The following PCDHGA1 variants were observed in gnomAD, a reference collection of about 807,000 sequenced individuals.
PCDHGA1 encodes protocadherin gamma-A1.
In PCDHGA1, 32 loss-of-function variants were observed where a neutral mutation model predicts 58.0. The observed-to-expected ratio is 0.55, with a 90% CI of 0.42 to 0.74. The LOEUF (loss-of-function observed/expected upper bound fraction) is 0.74, where lower values mean the gene tolerates loss of function less well. Among genes scored for constraint, PCDHGA1 ranks in the 30% least tolerant of loss-of-function variants. The pLI is 0.00. For synonymous variants in PCDHGA1, 498 were observed against 501.1 expected (o/e 0.99, Z 0.08); for missense variants, 1,205 against 1,182.3 (o/e 1.02, Z -0.28).
At chr5:141,441,984 A>G (rs1202392318) in intron 1 of PCDHGA1, 4 of 275,400 alleles carry the variant, frequency 1.5e-5, no homozygotes, top group South Asian at 7.2e-5. Flanking sequence ...TGGAATGCGC[A>G]CCGACGAGGT....
chr5:141,389,847 A>T (rs541124715), intron 1 of PCDHGA1: 1 of 1,614,066 alleles, frequency 6.2e-7, no homozygotes, highest in African/African-American at 1.3e-5. Flanking sequence ...ACTCTCGGCC[A>T]CTGCCACGTT....
chr5:141,351,408 A>C (rs754223398), intron 1 of PCDHGA1: 2 of 1,611,512 alleles, frequency 1.2e-6, no homozygotes, highest in South Asian at 2.2e-5. Context: ...TGCTATACTC[A>C]GGAAGAAGTT....
intron 1 of PCDHGA1, chr5:141,362,510 A>C: frequency 6.2e-7 from 1 of 1,613,948 alleles, no homozygotes; most frequent in Non-Finnish European, 8.5e-7. Flanking sequence ...CAAAATACAA[A>C]TCATGGAGCC....
At position 141,375,555 on chromosome 5, in the gene PCDHGA1, T is replaced by G. The variant is rs535412919; in HGVS notation, c.2421+42450T>G. 50 of 1,614,076 alleles carry G rather than the reference T, an allele frequency of 3.1e-5. No homozygotes were observed. In the Admixed American group the frequency reaches 5.5e-4, roughly 18 times the overall value. On this transcript the variant is annotated intron_variant, in intron 1 of 3. Transcript: ENST00000517417. ...CAGAACGCCCAAGTCTCCTACTCAC[T>G]GGCAGAAGACACCCTCCAGGGGGCG... is the stretch of plus-strand genomic sequence containing the variant.
chr5:141,344,550 A>T (rs750205037), intron 1 of PCDHGA1: 5 of 1,614,028 alleles, frequency 3.1e-6, no homozygotes, highest in Middle Eastern at 3.3e-4. Flanking sequence ...CTACAAGCTT[A>T]GCCCCAATGA....
At chr5:141,494,644 G>A in intron 1 of PCDHGA1, 163 bp from the exon 2 acceptor site, 1 of 933,684 alleles carries the variant, frequency 1.1e-6, no homozygotes. Flanking sequence ...TGAGACCTGA[G>A]GTGTATTTTG....
intron 1 of PCDHGA1, chr5:141,357,737 T>G: frequency 7.7e-7 from 1 of 1,301,834 alleles, no homozygotes. Flanking sequence ...AATATTTTAT[T>G]GCTTTAAAGA....
chr5:141,376,351 G>C (rs1333788917), intron 1 of PCDHGA1: 31 of 1,614,060 alleles, frequency 1.9e-5, no homozygotes, highest in Non-Finnish European at 2.6e-5. Flanking sequence ...ATTCCCACGA[G>C]GTCTCACTCA....
At chr5:141,422,074 C>A (rs886758924) in intron 1 of PCDHGA1, 1 of 1,612,264 alleles carries the variant, frequency 6.2e-7, no homozygotes, top group African/African-American at 1.3e-5. Flanking sequence ...GTATTCATTT[C>A]GGAACATGGA....
chr5:141,426,848 C>T (rs1379697529), intron 1 of PCDHGA1: 3 of 456,552 alleles, frequency 6.6e-6, no homozygotes, highest in Admixed American at 4.7e-5. Context: ...AAGGCAAGAA[C>T]GCTCCAGAAT....
chr5:141,478,336 C>T, intron 1 of PCDHGA1: 2 of 1,613,950 alleles, frequency 1.2e-6, no homozygotes, highest in South Asian at 2.2e-5. Context: ...CACCAGGGCC[C>T]TCCTTGCACG....
chr5:141,390,650 G>A lies in PCDHGA1; in HGVS notation c.2421+57545G>A, dbSNP rs750733568. ...TATGATGAATACTTTTTTCAGCTTG[G>A]ATATACCATAAATATAAAAATAATA... On this transcript the variant is annotated intron_variant, in intron 1 of 3. Coordinates refer to ENST00000517417, the MANE Select transcript of PCDHGA1 (RefSeq NM_018912.3). 69 of 210,892 alleles carry A rather than the reference G, an allele frequency of 3.3e-4. 1 individual carries two copies. The highest frequency in any genetic ancestry group is 5.4e-4 in the Non-Finnish European group (57 of 106,318). The allele number at this position is 210,892 out of a possible 1,614,324, so 13.1% of individuals were successfully genotyped here.
Position 141,487,500 on chromosome 5 carries a change from C to G in PCDHGA1, c.2422-7307C>G. 6.2e-7 allele frequency: 1 copy of G among 1,614,178 alleles called. No individual in the cohort carries two copies. Among genetic ancestry groups the G allele is most frequent in the East Asian group, 2.2e-5 (1 of 44,862 alleles). Reference sequence around the variant, plus strand: ...CACTCTCATGGCTGTACACCCTTGGCTTCTGCACCCACTCGGAGTGATAGC... The same window carrying G: ...CACTCTCATGGCTGTACACCCTTGGGTTCTGCACCCACTCGGAGTGATAGC... On this transcript the variant is annotated intron_variant, in intron 1 of 3. Coordinates refer to ENST00000517417, the MANE Select transcript of PCDHGA1 (RefSeq NM_018912.3). The surrounding 1 kb of genome is among the most constrained non-coding windows in gnomAD (Gnocchi z 5.0).
intron 1 of PCDHGA1, chr5:141,475,814 TC>T: frequency 3.0e-6 from 1 of 338,520 alleles, no homozygotes; most frequent in Non-Finnish European, 5.4e-6. Flanking sequence ...AAAGTGAAGT[TC>T]CTGGCGCTAG....
chr5:141,403,729 C>G (rs1409756180), intron 1 of PCDHGA1: 1 of 1,613,896 alleles, frequency 6.2e-7, no homozygotes, highest in Non-Finnish European at 8.5e-7. Context: ...CCCCAGGCAC[C>G]TGGCTGCTTA....
intron 1 of PCDHGA1, chr5:141,374,849 C>T: frequency 6.2e-7 from 1 of 1,613,754 alleles, no homozygotes; most frequent in Non-Finnish European, 8.5e-7. Context: ...TGAAAACCTG[C>T]CAGTAGGCAC....
chr5:141,427,787 C>T, intron 1 of PCDHGA1: 1 of 1,478,068 alleles, frequency 6.8e-7, no homozygotes, highest in Non-Finnish European at 9.4e-7. Flanking sequence ...CACTGTCGTC[C>T]TACGTGTCCG....
intron 1 of PCDHGA1, chr5:141,361,103 A>G (rs1224359599): frequency 5.0e-6 from 8 of 1,613,902 alleles, no homozygotes; most frequent in Non-Finnish European, 6.8e-6. Context: ...GAAGCAAAAG[A>G]TCCTGGAGAT....
At chr5:141,403,266 A>G in intron 1 of PCDHGA1, 11 of 1,613,858 alleles carry the variant, frequency 6.8e-6, no homozygotes, top group Non-Finnish European at 9.3e-6. Context: ...TGTCTGGTGA[A>G]CTTTAAAGTC....
Sources: allele counts gnomAD v4.1 joint callset, GRCh38; gene constraint gnomAD v4.1.1; non-coding constraint Gnocchi (gnomAD v3.1); transcripts MANE v1.5; gene names NCBI Gene and HGNC (gene_info 2026-07-23, HGNC 2026-07-21).